Variants in RPL31 observed in about 807,000 individuals in gnomAD.
The protein encoded by RPL31 is large ribosomal subunit protein eL31.
For synonymous variants in RPL31, 51 were observed against 55.0 expected (o/e 0.93, Z 0.32); for missense variants, 95 against 164.0 (o/e 0.58, Z 2.30).
intron 4 of RPL31, chr2:101,017,972 G>T: frequency 3.9e-6 from 6 of 1,536,248 alleles, no homozygotes; most frequent in Non-Finnish European, 5.3e-6. Flanking sequence ...TCATTATAGA[G>T]GATTCGAACG....
intron 2 of RPL31, among the ~76,000 whole-genome samples, chr2:101,003,112 T>G (rs975612589): frequency 6.6e-6 from 1 of 152,244 alleles, no homozygotes; most frequent in Non-Finnish European, 1.5e-5. Context: ...TCCATCGGCC[T>G]TCTATCTTAG....
intron 4 of RPL31, chr2:101,018,885 C>G (rs141028064): frequency 1.4e-5 from 19 of 1,390,944 alleles, no homozygotes; most frequent in South Asian, 1.3e-5. Context: ...GGCCAATATC[C>G]GTAGGTTTAT....
downstream of RPL31, among the ~76,000 whole-genome samples, chr2:101,008,546 G>A (rs1252269053): frequency 6.6e-6 from 1 of 152,184 alleles, no homozygotes; most frequent in Non-Finnish European, 1.5e-5. Context: ...TGGGCACAGT[G>A]GCTCCCGCCT....
In RPL31 at chr2:101,002,714, A is replaced by G. The variant is rs777527975; in HGVS notation, c.13A>G (p.Lys5Glu). Residue 5 changes from lysine to glutamate, a missense_variant, in exon 2 of 5, where the codon AAG becomes GAG. Coordinates refer to ENST00000264258, the MANE Select transcript of RPL31 (RefSeq NM_000993.5). MAPAKKGGEKKKGRS... is the reference protein window; with the variant it reads MAPAEKGGEKKKGRS... ...CGCCTGCATTTAGATGGCTCCCGCA[A>G]AGAAGGGTGGCGAGAAGAAAAAGGG... The G allele has an allele frequency of 1.9e-6, 3 of 1,614,048 alleles. No homozygotes were observed. Among genetic ancestry groups the G allele is most frequent in the Non-Finnish European group, 2.5e-6 (3 of 1,179,928 alleles).
intron 3 of RPL31, chr2:101,004,519 T>C (rs2105348890): frequency 2.1e-6 from 1 of 484,836 alleles, no homozygotes; most frequent in Non-Finnish European, 3.6e-6. Context: ...GGAAAGAGCA[T>C]TGCAGAGAGA....
intron 3 of RPL31, chr2:101,005,479 T>C (rs1170611916): frequency 6.5e-6 from 1 of 154,866 alleles, no homozygotes; most frequent in Non-Finnish European, 1.4e-5. Context: ...TGGCTCTTAG[T>C]TTTGCATTTT....
chr2:101,019,037 A>C (rs756097253), exon 5 of RPL31: 1 of 1,611,676 alleles, frequency 6.2e-7, no homozygotes, highest in Non-Finnish European at 8.5e-7. Flanking sequence ...AAGAGCCCAT[A>C]AAGGGAGCCC....
At chr2:101,005,919 G>A in intron 3 of RPL31, 40 bp from the exon 4 acceptor site, 2 of 1,544,062 alleles carry the variant, frequency 1.3e-6, no homozygotes, top group South Asian at 2.2e-5. Context: ...TTGGTTGAAA[G>A]GAGGCATTGA....
intron 4 of RPL31, chr2:101,017,854 A>G: frequency 1.9e-6 from 3 of 1,550,892 alleles, no homozygotes; most frequent in South Asian, 1.2e-5. Flanking sequence ...GCAATTCCCA[A>G]TTAGGTCTTC....
rs1346693049 is a variant in RPL31, at chr2:101,006,508, TG to T, written c.*128del. On this transcript the variant is annotated 3_prime_UTR_variant, in exon 5 of 5. Transcript: ENST00000264258. ...ATCATTTGAAGAGCTTTTCCCAAAT[TG>T]ATGGCCTGTGCTGCCTTCTCCCCAT... 5 of 916,060 alleles carry T rather than the reference TG, an allele frequency of 5.5e-6. No homozygotes were observed. The highest frequency in any genetic ancestry group is 3.4e-5 in the African/African-American group (2 of 58,946). The allele number at this position is 916,060 out of a possible 1,614,324, so 56.7% of individuals were successfully genotyped here. A position where few individuals can be genotyped will look rare whatever the true frequency, so the allele number is the denominator to read the frequency against.
chr2:101,017,746 C>CA (rs2105371035), intron 4 of RPL31: 2 of 1,176,726 alleles, frequency 1.7e-6, no homozygotes, highest in East Asian at 5.1e-5. Flanking sequence ...AAGATAGGGT[C>CA]AAGTGACAAA....
chr2:101,017,142 CAG>C (rs1353804315), intron 4 of RPL31, among the ~76,000 whole-genome samples: 1 of 151,670 alleles, frequency 6.6e-6, no homozygotes, highest in Non-Finnish European at 1.5e-5. Context: ...TCGTCAATAT[CAG>C]TGTCTTCCAC....
chr2:101,011,207 T>TCTAAGAGGACC, downstream of RPL31: 1 of 703,244 alleles, frequency 1.4e-6, no homozygotes, highest in South Asian at 1.9e-5. Flanking sequence ...GGACTTCTGC[T>TCTAAGAGGACC]CTAAGAGGAC....
intron 4 of RPL31, chr2:101,018,941 C>G: frequency 6.3e-7 from 1 of 1,590,668 alleles, no homozygotes; most frequent in East Asian, 2.3e-5. Context: ...CTGGAATGCT[C>G]TTCGTCTGTG....
chr2:101,016,517 G>A (rs537502038), intron 4 of RPL31, among the ~76,000 whole-genome samples: 1 of 152,160 alleles, frequency 6.6e-6, no homozygotes, highest in Admixed American at 6.5e-5. Flanking sequence ...TCAGTGTGGC[G>A]ATTCCTCAGG....
downstream of RPL31, chr2:101,011,386 A>G (rs1054384379): frequency 3.3e-6 from 5 of 1,534,356 alleles, no homozygotes; most frequent in Admixed American, 8.4e-5. Flanking sequence ...GATGAGGGCA[A>G]CCCCGGTGCC....
At chr2:101,017,782 G>C in intron 4 of RPL31, 2 of 1,505,050 alleles carry the variant, frequency 1.3e-6, no homozygotes, top group South Asian at 1.2e-5. Context: ...CCAAAATCTT[G>C]ACAAGCTCAG....
chr2:101,015,605 G>A (rs1679571279), intron 4 of RPL31, among the ~76,000 whole-genome samples: 1 of 151,900 alleles, frequency 6.6e-6, no homozygotes, highest in Admixed American at 6.6e-5. Context: ...TAACTTTTCT[G>A]TTAAAAACCA....
At chr2:101,017,802 AT>A in intron 4 of RPL31, 1 of 1,534,506 alleles carries the variant, frequency 6.5e-7, no homozygotes. Context: ...GGACTTTTTA[AT>A]ATTAGTTTTC....
Sources: allele counts gnomAD v4.1 joint callset (sites outside exome capture counted in the v4.1 genomes callset), GRCh38; gene constraint gnomAD v4.1.1; transcripts MANE v1.5; gene names NCBI Gene and HGNC (gene_info 2026-07-23, HGNC 2026-07-21).